Variants in CDH12 observed in about 807,000 individuals in gnomAD.
CDH12 encodes the protein cadherin-12.
CDH12 carries 41 observed loss-of-function variants against 74.1 expected under a neutral mutation model. The ratio of observed to expected loss-of-function variants is 0.55; its 90% CI spans 0.43 to 0.72. CDH12 has a LOEUF of 0.72. CDH12 is among the 30% of genes least tolerant of loss of function. The pLI, the probability that CDH12 is intolerant of heterozygous loss-of-function variation, is 0.00. For missense variants in CDH12, 945 were observed against 977.2 expected, an observed-to-expected ratio of 0.97 and a Z score of 0.44; for synonymous variants, 399 against 355.0, an observed-to-expected ratio of 1.12 and a Z score of -1.39.
intron 2 of CDH12, among the ~76,000 whole-genome samples, chr5:22,486,266 C>T (rs1032357277): frequency 1.3e-5 from 2 of 152,096 alleles, no homozygotes; most frequent in African/African-American, 4.8e-5. Flanking sequence ...TCCTTCAGAA[C>T]ATTGTGGTCC....
intron 10 of CDH12, among the ~76,000 whole-genome samples, chr5:21,800,713 C>T (rs1036732477): frequency 1.7e-4 from 26 of 152,132 alleles, no homozygotes; most frequent in African/African-American, 6.0e-4. Flanking sequence ...GAATTGTAAT[C>T]CCTACATGTT....
At chr5:22,031,771 G>A (rs1738840335) in intron 5 of CDH12, among the ~76,000 whole-genome samples, 1 of 152,104 alleles carries the variant, frequency 6.6e-6, no homozygotes, top group Admixed American at 6.6e-5. Flanking sequence ...TAACATTTAT[G>A]GATTAAATTT....
chr5:21,972,240 A>G (rs936590116), intron 6 of CDH12, among the ~76,000 whole-genome samples: 2 of 152,028 alleles, frequency 1.3e-5, no homozygotes, highest in Admixed American at 6.6e-5. Context: ...TGTATTTTTA[A>G]TTGATTAATT....
chr5:22,220,284 A>C (rs546263256), intron 3 of CDH12, among the ~76,000 whole-genome samples: 1 of 151,846 alleles, frequency 6.6e-6, no homozygotes, highest in South Asian at 2.1e-4. Context: ...TTGAGAAAAT[A>C]TTGTGCATTG....
At chr5:22,420,171 A>G (rs1341659578) in intron 2 of CDH12, among the ~76,000 whole-genome samples, 1 of 151,976 alleles carries the variant, frequency 6.6e-6, no homozygotes, top group Non-Finnish European at 1.5e-5. Flanking sequence ...GAAGCTCTTT[A>G]GTTTAATTAT....
intron 5 of CDH12, among the ~76,000 whole-genome samples, chr5:21,995,974 C>A (rs1268502469): frequency 6.6e-6 from 1 of 151,926 alleles, no homozygotes; most frequent in South Asian, 2.1e-4. Context: ...CCTGAGTAGT[C>A]GGCATAACAT....
intron 1 of CDH12, among the ~76,000 whole-genome samples, chr5:22,546,914 A>G (rs1738356997): frequency 6.6e-6 from 1 of 152,232 alleles, no homozygotes; most frequent in South Asian, 2.1e-4. Flanking sequence ...TGCAAAACAA[A>G]TAAACTAATC....
intron 5 of CDH12, among the ~76,000 whole-genome samples, chr5:21,995,365 G>T (rs1736222083): frequency 6.6e-6 from 1 of 151,816 alleles, no homozygotes; most frequent in Non-Finnish European, 1.5e-5. Flanking sequence ...ATGAAACGTG[G>T]TGTGTACTTC....
intron 4 of CDH12, among the ~76,000 whole-genome samples, chr5:22,123,948 A>C (rs964241475): frequency 2.0e-5 from 3 of 151,228 alleles, no homozygotes; most frequent in African/African-American, 7.3e-5. Flanking sequence ...AAGTTTTGTA[A>C]TTTTTTTATT....
intron 7 of CDH12, among the ~76,000 whole-genome samples, chr5:21,846,583 ACT>A (rs201497651): frequency 1.3e-5 from 2 of 150,328 alleles, no homozygotes; most frequent in East Asian, 2.0e-4. Context: ...TTTTTATTCT[ACT>A]CTCTGTGAAT....
intron 7 of CDH12, among the ~76,000 whole-genome samples, chr5:21,846,207 C>T (rs1750158746): frequency 6.6e-6 from 1 of 152,196 alleles, no homozygotes; most frequent in South Asian, 2.1e-4. Context: ...TACACCTGGT[C>T]TGACCAATCT....
At chr5:22,705,498 T>C (rs201677762) in intron 1 of CDH12, among the ~76,000 whole-genome samples, 33 of 35,458 alleles carry the variant, frequency 9.3e-4, no homozygotes, top group Admixed American at 1.8e-3. Context: ...TCAACACACA[T>C]GCACACACAC....
intron 4 of CDH12, among the ~76,000 whole-genome samples, chr5:22,094,438 A>C (rs1343281987): frequency 6.6e-6 from 1 of 152,226 alleles, no homozygotes; most frequent in Non-Finnish European, 1.5e-5. Flanking sequence ...GACTAAATCT[A>C]GGATGAAAAT....
intron 9 of CDH12, among the ~76,000 whole-genome samples, chr5:21,808,644 C>A (rs796484121): frequency 5.3e-5 from 8 of 152,036 alleles, no homozygotes; most frequent in African/African-American, 1.9e-4. Flanking sequence ...TTACACTAGG[C>A]TGAACAATAA....
chr5:21,811,360 T>C (rs558682364), intron 9 of CDH12, among the ~76,000 whole-genome samples: 1 of 152,206 alleles, frequency 6.6e-6, no homozygotes, highest in African/African-American at 2.4e-5. Flanking sequence ...ATTATTTTAA[T>C]TATTTAAATT....
intron 1 of CDH12, among the ~76,000 whole-genome samples, chr5:22,616,700 G>T (rs531975773): frequency 2.0e-5 from 3 of 152,134 alleles, no homozygotes; most frequent in African/African-American, 7.2e-5. Context: ...GGAGGGTAAA[G>T]GAGGGAGGGG....
At chr5:21,796,362 T>G (rs971801937) in intron 10 of CDH12, among the ~76,000 whole-genome samples, 6 of 131,898 alleles carry the variant, frequency 4.5e-5, no homozygotes, top group Admixed American at 1.6e-4. Flanking sequence ...CTTATGTAAT[T>G]TATTGAATGC....
intron 5 of CDH12, among the ~76,000 whole-genome samples, chr5:22,052,381 T>G (rs2150195473): frequency 6.6e-6 from 1 of 152,214 alleles, no homozygotes; most frequent in South Asian, 2.1e-4. Flanking sequence ...TTTCAGCCAG[T>G]GTTTGTGAAT....
chr5:22,539,855 A>G (rs1373988280), intron 1 of CDH12, among the ~76,000 whole-genome samples: 4 of 152,182 alleles, frequency 2.6e-5, no homozygotes, highest in African/African-American at 9.7e-5. Context: ...AACAGAACCC[A>G]ATCTTGGTTT....
Sources: allele counts gnomAD v4.1 joint callset (sites outside exome capture counted in the v4.1 genomes callset), GRCh38; gene constraint gnomAD v4.1.1; transcripts MANE v1.5; gene names NCBI Gene and HGNC (gene_info 2026-07-23, HGNC 2026-07-21).